RTEL1: variants seen among roughly 807,000 people sequenced by gnomAD.
RTEL1 encodes the protein regulator of telomere elongation helicase 1.
RTEL1 carries 86 observed loss-of-function variants against 162.2 expected under a neutral mutation model. That is an observed-to-expected ratio of 0.53 (90% CI 0.45 to 0.63). The LOEUF is 0.63. Ranked by LOEUF, RTEL1 falls within the 30% of genes least tolerant of loss-of-function variation. The probability of loss-of-function intolerance (pLI) is 0.00; values close to 1 mark genes in which losing one functional copy is unlikely to be tolerated. For missense variants in RTEL1, 1,941 were observed against 1,750.2 expected, an observed-to-expected ratio of 1.11 and a Z score of -1.95; for synonymous variants, 958 against 717.9, an observed-to-expected ratio of 1.33 and a Z score of -5.35.
chr20:63,676,912 C>T (rs1049874830), intron 10 of RTEL1, among the ~76,000 whole-genome samples: 18 of 125,344 alleles, frequency 1.4e-4, no homozygotes, highest in African/African-American at 3.1e-4. Context: ...TCCAGCCTGG[C>T]GACAGAGCGA....
At position 63,666,027 on chromosome 20, in the gene RTEL1, G is replaced by A; in HGVS notation, c.562G>A (p.Ala188Thr). 2.5e-6 allele frequency: 4 copies of A among 1,614,040 alleles called. No individual in the cohort carries two copies. Among genetic ancestry groups the A allele is most frequent in the Non-Finnish European group, 3.4e-6 (4 of 1,179,962 alleles). Residue 188 changes from alanine (A) to threonine (T), a missense_variant, in exon 7 of 35, where the codon GCC becomes ACC. Coordinates refer to ENST00000360203, the MANE Select transcript of RTEL1 (RefSeq NM_001283009.2). ...VEEKSLEQEL[A>T]SPILDIEDLV... ...AGAAAAAAGCCTGGAGCAGGAGCTG[G>A]CCAGCCCCATCCTGGACATTGAGGA...
intron 26 of RTEL1, 137 bp from the exon 27 acceptor site, chr20:63,690,667 TC>T: frequency 6.5e-6 from 7 of 1,076,354 alleles, no homozygotes; most frequent in Non-Finnish European, 7.8e-6. Flanking sequence ...AGGCTGAGAC[TC>T]CCCCCAATAG....
intron 9 of RTEL1, among the ~76,000 whole-genome samples, chr20:63,673,524 C>T (rs1311388047): frequency 6.6e-6 from 1 of 152,128 alleles, no homozygotes; most frequent in Non-Finnish European, 1.5e-5. Context: ...CTGCAACCTC[C>T]ACCTCCTGGG....
rs78258482 is a variant in RTEL1, at chr20:63,688,036, C to T, written c.1581C>T (p.Ser527=). The T allele has an allele frequency of 8.2e-5, 133 of 1,612,722 alleles. No individual in the cohort carries two copies. The East Asian group carries it at 1.5e-3, about 18-fold the overall frequency. ...GCCCCGATGGAGCCCAGTTGAGCTC[C>T]GCGTTTGACAGACGGTGAGGGCCTG... ...PRGPDGAQLS[S]AFDRRFSEEC... Residue 527 remains serine (S), a synonymous_variant, in exon 18 of 35, where the codon TCC becomes TCT. Transcript: ENST00000360203.
chr20:63,691,722 G>C lies in RTEL1; in HGVS notation c.2557-20G>C. On this transcript the variant is annotated intron_variant, in intron 27 of 34. Transcript: ENST00000360203. ...GTGTGGTTGGGGTCTGTGTGTGGTT[G>C]TGAGCTGTGTCCTCCTCAGGCCCAC... 1 of 1,606,148 alleles carries C rather than the reference G, an allele frequency of 6.2e-7. No individual in the cohort carries two copies. The highest frequency in any genetic ancestry group is 8.5e-7 in the Non-Finnish European group (1 of 1,174,322).
intron 14 of RTEL1, chr20:63,681,030 C>T: frequency 1.0e-6 from 1 of 985,452 alleles, no homozygotes; most frequent in Non-Finnish European, 1.2e-6. Flanking sequence ...GGGGGACCCA[C>T]TGCTGGCAGC....
intron 7 of RTEL1, 113 bp from the exon 8 acceptor site, chr20:63,667,356 C>T (rs2090156884): frequency 2.4e-6 from 2 of 835,820 alleles, no homozygotes. Context: ...CAGCTTCCCA[C>T]CTGGGCCCTA....
Position 63,694,430 on chromosome 20 carries a change from C to A in RTEL1, c.3051C>A (p.Asp1017Glu), listed in dbSNP as rs748756306. Residue 1017 changes from aspartate to glutamate, a missense_variant, in exon 31 of 35, where the codon GAC (aspartate) becomes GAA (glutamate). Transcript: ENST00000360203. ...CCACGGCTGCAGCCCAGCAGCTGGA[C>A]CCCCAAGAGCACCTGAACCAGGGCA... Reference protein sequence around the residue: ...TVSTAAAQQLDPQEHLNQGRP... With the variant: ...TVSTAAAQQLEPQEHLNQGRP... The A allele has an allele frequency of 1.9e-6, 3 of 1,612,320 alleles. No homozygotes were observed. The highest frequency in any genetic ancestry group is 2.5e-6 in the Non-Finnish European group (3 of 1,179,594).
intron 13 of RTEL1, among the ~76,000 whole-genome samples, chr20:63,680,199 C>A (rs1325466123): frequency 6.6e-6 from 1 of 152,226 alleles, no homozygotes; most frequent in Non-Finnish European, 1.5e-5. Context: ...TGAGAAAGAG[C>A]AGCCCAAGGC....
At chr20:63,678,833 G>A (rs376702641) in intron 12 of RTEL1, among the ~76,000 whole-genome samples, 2 of 125,834 alleles carry the variant, frequency 1.6e-5, no homozygotes, top group South Asian at 2.4e-4. Flanking sequence ...ACACACCCAC[G>A]GAACGGCACA....
At chr20:63,687,483 T>G in intron 16 of RTEL1, 155 bp from the exon 17 acceptor site, 4 of 878,144 alleles carry the variant, frequency 4.6e-6, no homozygotes, top group Non-Finnish European at 6.7e-6. Context: ...GGCAGCCTCC[T>G]TTGTTCTGAC....
rs1568719871 is a variant in RTEL1, at chr20:63,693,453, ACCTCCACCTCCACCTCCACCT to A, written c.2992+173_2992+193del. On this transcript the variant is annotated intron_variant, in intron 30 of 34. Transcript: ENST00000360203. The stretch of plus-strand genomic sequence containing the variant: ...CTCCACCACCAGCACCAGCAGCACC[ACCTCCACCTCCACCTCCACCT>A]CCACCTCCACCACCACCTCCACCTC... 3.0e-4 allele frequency among the ~76,000 whole-genome samples: 11 copies of A among 37,036 alleles called. No homozygotes were observed. In the East Asian group the frequency reaches 6.8e-3, roughly 23 times the overall value. 24.3% of individuals were successfully genotyped at this position (37,036 alleles called of 152,430 possible).
intron 19 of RTEL1, 30 bp from the exon 20 acceptor site, chr20:63,688,271 C>T (rs151220176): frequency 6.2e-7 from 1 of 1,610,372 alleles, no homozygotes; most frequent in Non-Finnish European, 8.5e-7. Context: ...CATCCTGCCC[C>T]TGCCTTGACC....
chr20:63,690,001 C>G (rs550507239), intron 24 of RTEL1, 86 bp from the exon 25 acceptor site: 4 of 1,569,914 alleles, frequency 2.5e-6, no homozygotes, highest in African/African-American at 2.7e-5. Context: ...CGTGGGGCCC[C>G]TGCAGCAGAT....
Position 63,694,338 on chromosome 20 carries a change from C to G in RTEL1, c.2993-34C>G, listed in dbSNP as rs528710897. On this transcript the variant is annotated intron_variant, in intron 30 of 34. Coordinates refer to ENST00000360203, the MANE Select transcript of RTEL1 (RefSeq NM_001283009.2). ...CCCCAGGGAACTTTCCAGATGCTCT[C>G]GACCAGCTTTGTGGCTCTACATCTC... 13 of 1,245,380 alleles carry G rather than the reference C, an allele frequency of 1.0e-5. No individual in the cohort carries two copies. In the East Asian group the frequency reaches 2.0e-4, roughly 19 times the overall value. The allele number at this position is 1,245,380 out of a possible 1,614,324, so 77.1% of individuals were successfully genotyped here.
chr20:63,661,980 CAA>C lies in RTEL1; in HGVS notation c.395+38_395+39del, dbSNP rs1315499683. On this transcript the variant is annotated intron_variant, in intron 4 of 34. Transcript: ENST00000360203. This position sits in a 1 kb window ranked among gnomAD's most constrained non-coding sequence, Gnocchi z 5.1. ...GAGTTTACACCTGTCTCGGGGTCCT[CAA>C]GAGAACCAGCTTGGCATGGTGCTGA... is the stretch of plus-strand genomic sequence containing the variant. 7 of 1,487,310 alleles carry C rather than the reference CAA, an allele frequency of 4.7e-6. No homozygotes were observed. The highest frequency in any genetic ancestry group is 2.3e-5 in the South Asian group (2 of 88,456). 92.1% of individuals were successfully genotyped at this position (1,487,310 alleles called of 1,614,324 possible).
chr20:63,690,660 C>G, intron 26 of RTEL1, 145 bp from the exon 27 acceptor site: 1 of 1,062,168 alleles, frequency 9.4e-7, no homozygotes, highest in Non-Finnish European at 1.3e-6. Flanking sequence ...CCCCCCGAGG[C>G]TGAGACTCCC....
At chr20:63,678,120 C>T in intron 10 of RTEL1, 25 bp from the exon 11 acceptor site, 1 of 1,614,130 alleles carries the variant, frequency 6.2e-7, no homozygotes, top group East Asian at 2.2e-5. Context: ...ATGCAGACTG[C>T]CTTTGCTGCC....
At chr20:63,675,791 C>T (rs1456757334) in intron 10 of RTEL1, among the ~76,000 whole-genome samples, 2 of 152,198 alleles carry the variant, frequency 1.3e-5, no homozygotes, top group African/African-American at 2.4e-5. Flanking sequence ...ACGGGGTGGA[C>T]GGCCGCCTCT....
Sources: allele counts gnomAD v4.1 joint callset (sites outside exome capture counted in the v4.1 genomes callset), GRCh38; gene constraint gnomAD v4.1.1; non-coding constraint Gnocchi (gnomAD v3.1); transcripts MANE v1.5; gene names NCBI Gene and HGNC (gene_info 2026-07-23, HGNC 2026-07-21).